Variants in ZNF605 observed in about 807,000 individuals in gnomAD.
The protein encoded by ZNF605 is zinc finger protein 605.
In ZNF605, 9 loss-of-function variants were observed where a neutral mutation model predicts 7.9. That is an observed-to-expected ratio of 1.14 (90% CI 0.68 to 1.98). The LOEUF is 1.98. ZNF605 is among the 30% of genes most tolerant of loss of function. The pLI is 0.00. For synonymous variants in ZNF605, 255 were observed against 260.1 expected (o/e 0.98, Z 0.19); for missense variants, 673 against 762.4 (o/e 0.88, Z 1.38).
Position 132,922,200 on chromosome 12 carries a change from G to A in ZNF605, c.*3173C>T, listed in dbSNP as rs1311501143. On this transcript the variant is annotated 3_prime_UTR_variant, in exon 5 of 5. Coordinates refer to ENST00000360187, the MANE Select transcript of ZNF605 (RefSeq NM_183238.4). ...CTGGGAAGTATGGGACATCATTCCC[G>A]TCTTTCTTCACTCAGTAACTGATTA... 7 of 152,294 alleles carry A rather than the reference G, an allele frequency of 4.6e-5. No homozygotes were observed. The highest frequency in any genetic ancestry group is 2.0e-4 in the Admixed American group (3 of 15,298). The allele number at this position is 152,294 out of a possible 1,614,324, so 9.4% of individuals were successfully genotyped here. A position where few individuals can be genotyped will look rare whatever the true frequency, so the allele number is the denominator to read the frequency against.
At chr12:132,939,010 G>A (rs1952400933) in intron 3 of ZNF605, among the ~76,000 whole-genome samples, 1 of 151,586 alleles carries the variant, frequency 6.6e-6, no homozygotes, top group Non-Finnish European at 1.5e-5. Flanking sequence ...CTGGGCACCT[G>A]CAGCCCACCA....
In ZNF605 at chr12:132,919,789, T is replaced by C. The variant is rs559464521; in HGVS notation, c.*5584A>G. 4 of 152,318 alleles carry C rather than the reference T, an allele frequency of 2.6e-5. No homozygotes were observed. The South Asian group carries it at 8.3e-4, about 32-fold the overall frequency. 9.4% of individuals were successfully genotyped at this position (152,318 alleles called of 1,614,324 possible). The stretch of plus-strand genomic sequence containing the variant: ...GAATGCCTCGATAGCTACATTCTTT[T>C]TGCTGTGCACATTTCGAGATTTAGG... On this transcript the variant is annotated 3_prime_UTR_variant, in exon 5 of 5. Coordinates refer to ENST00000360187, the MANE Select transcript of ZNF605 (RefSeq NM_183238.4).
intron 1 of ZNF605, among the ~76,000 whole-genome samples, chr12:132,952,600 G>A (rs1165762035): frequency 2.6e-5 from 4 of 151,812 alleles, no homozygotes; most frequent in South Asian, 2.1e-4. Context: ...AGGCTGGGCC[G>A]ACCACACCAC....
rs1952249594 is a variant in ZNF605, at chr12:132,926,539, C to G, written c.760G>C (p.Gly254Arg). 1.9e-6 allele frequency: 3 copies of G among 1,614,162 alleles called. No individual in the cohort carries two copies. In the African/African-American group the frequency reaches 4.0e-5, roughly 22 times the overall value. The part of the protein sequence containing the change: ...QRIHTGEKPY[G>R]CSECGKAFSR... ...AAGGCTTTTCCACATTCACTGCATC[C>G]ATACGGCTTCTCTCCAGTATGAATT... Residue 254 changes from glycine (G) to arginine (R), a missense_variant, in exon 5 of 5, where the codon GGA (glycine) becomes CGA (arginine). Physicochemically the swap from Gly to Arg is moderately radical, Grantham distance 125. Transcript: ENST00000360187.
chr12:132,951,142 TAC>T (rs1441284243), intron 1 of ZNF605, among the ~76,000 whole-genome samples: 40 of 146,614 alleles, frequency 2.7e-4, no homozygotes, highest in African/African-American at 8.5e-4. Context: ...ACATCACGCA[TAC>T]ACACACACTG....
At chr12:132,928,798 G>T (rs1283513340) in intron 4 of ZNF605, among the ~76,000 whole-genome samples, 1 of 151,830 alleles carries the variant, frequency 6.6e-6, no homozygotes, top group Non-Finnish European at 1.5e-5. Flanking sequence ...GACTGCTTGA[G>T]CCCAGGAGTT....
intron 1 of ZNF605, among the ~76,000 whole-genome samples, chr12:132,951,297 CGTACACAGACAT>C (rs1373599416): frequency 1.3e-5 from 2 of 151,424 alleles, no homozygotes; most frequent in East Asian, 1.9e-4. Flanking sequence ...CACACAGACA[CGTACACAGACAT>C]GCACACACTG....
At chr12:132,954,167 C>A (rs937535505) in intron 1 of ZNF605, among the ~76,000 whole-genome samples, 1 of 151,254 alleles carries the variant, frequency 6.6e-6, no homozygotes, top group African/African-American at 2.4e-5. Flanking sequence ...TCCCTACAGG[C>A]CCAACTGATG....
At chr12:132,930,483 C>G (rs1952297581) in intron 4 of ZNF605, among the ~76,000 whole-genome samples, 1 of 151,710 alleles carries the variant, frequency 6.6e-6, no homozygotes, top group South Asian at 2.1e-4. Context: ...GTCTTTTTCA[C>G]TAATGTACCC....
intron 3 of ZNF605, among the ~76,000 whole-genome samples, chr12:132,943,516 G>C (rs1348978266): frequency 6.6e-6 from 1 of 152,148 alleles, no homozygotes; most frequent in Non-Finnish European, 1.5e-5. Context: ...GCTGCAGTCA[G>C]GGGTCGTGAT....
chr12:132,935,927 G>C (rs1952360786), intron 3 of ZNF605, among the ~76,000 whole-genome samples: 1 of 148,600 alleles, frequency 6.7e-6, no homozygotes, highest in Admixed American at 6.9e-5. Flanking sequence ...CGGGCGTGGT[G>C]GTGGGTGCCT....
rs1485138862 is a variant in ZNF605 at position 132,951,565 on chromosome 12, C to T, written c.-285-3295G>A. Reference sequence around the variant, plus strand: ...ACACACATACACACACTGATGCACACGTATACCATACACACAGACATGCAC... The same window carrying T: ...ACACACATACACACACTGATGCACATGTATACCATACACACAGACATGCAC... On this transcript the variant is annotated intron_variant, in intron 1 of 4. Transcript: ENST00000360187. Among the ~76,000 whole-genome samples, 6 of 128,452 alleles carry T rather than the reference C, an allele frequency of 4.7e-5. No individual in the cohort carries two copies. In the South Asian group the frequency reaches 1.1e-3, roughly 24 times the overall value. 84.3% of individuals were successfully genotyped at this position (128,452 alleles called of 152,430 possible).
At chr12:132,939,043 C>T (rs1410407287) in intron 3 of ZNF605, among the ~76,000 whole-genome samples, 1 of 151,530 alleles carries the variant, frequency 6.6e-6, no homozygotes, top group Non-Finnish European at 1.5e-5. Context: ...CCACCCACTC[C>T]ATGGGCTCCC....
intron 3 of ZNF605, among the ~76,000 whole-genome samples, chr12:132,934,410 A>C (rs1952339867): frequency 6.6e-6 from 1 of 152,136 alleles, no homozygotes; most frequent in South Asian, 2.1e-4. Context: ...TGAGCAATTA[A>C]GATTCCAGGA....
At position 132,921,688 on chromosome 12, in the gene ZNF605, A is replaced by C. The variant is rs1952206861; in HGVS notation, c.*3685T>G. ...ATTGTCGGAAATAGAAAACATGTAT[A>C]AAAATCTTCGAAATGCAGGTTAAAA... On this transcript the variant is annotated 3_prime_UTR_variant, in exon 5 of 5. Coordinates refer to ENST00000360187, the MANE Select transcript of ZNF605 (RefSeq NM_183238.4). 6.6e-6 allele frequency: 1 copy of C among 152,260 alleles called. No homozygotes were observed. Among genetic ancestry groups the C allele is most frequent in the Non-Finnish European group, 1.5e-5 (1 of 68,040 alleles). 9.4% of individuals were successfully genotyped at this position (152,260 alleles called of 1,614,324 possible).
chr12:132,924,267 C>T lies in ZNF605; in HGVS notation c.*1106G>A, dbSNP rs1355754733. The T allele has an allele frequency of 6.6e-6, 1 of 152,208 alleles. No homozygotes were observed. The highest frequency in any genetic ancestry group is 1.5e-5 in the Non-Finnish European group (1 of 68,044). The allele number at this position is 152,208 out of a possible 1,614,324, so 9.4% of individuals were successfully genotyped here. ...CTTTTAATCTAGAGTTAATTAGCTG[C>T]ACTACTAAAACAAAACCTTTCTGAG... is the stretch of plus-strand genomic sequence containing the variant. On this transcript the variant is annotated 3_prime_UTR_variant, in exon 5 of 5. Transcript: ENST00000360187.
At chr12:132,952,519 C>A (rs1268270109) in intron 1 of ZNF605, among the ~76,000 whole-genome samples, 1 of 151,540 alleles carries the variant, frequency 6.6e-6, no homozygotes, top group Non-Finnish European at 1.5e-5. Flanking sequence ...ATATTCCTCC[C>A]AGACGTCGTA....
chr12:132,926,804 G>A lies in ZNF605; in HGVS notation c.495C>T (p.His165=). 6.2e-7 allele frequency: 1 copy of A among 1,614,134 alleles called. No homozygotes were observed. Among genetic ancestry groups the A allele is most frequent in the South Asian group, 1.1e-5 (1 of 91,066 alleles). The stretch of plus-strand genomic sequence containing the variant: ...ATTCCATGCATAAATAGACTCCTGT[G>A]TGTGTTATGTGATTAGCAGTGAGCC... ...EPWLTANHIT[H]TGVYLCMECG... is the part of the protein sequence containing the mutation. Residue 165 remains histidine, a synonymous_variant, in exon 5 of 5, where the codon CAC becomes CAT. Coordinates refer to ENST00000360187, the MANE Select transcript of ZNF605 (RefSeq NM_183238.4).
rs774422357 is a variant in ZNF605, at chr12:132,925,632, G to T, written c.1667C>A (p.Thr556Lys). The part of the protein sequence containing the change: ...VQLIKHQRNH[T>K]GEKTYGCSDC... ...GCTGCATCCATAGGTTTTCTCTCCTGTGTGATTTCTTTGATGCTTAATGAG... is the reference window on the plus strand; with the variant it reads ...GCTGCATCCATAGGTTTTCTCTCCTTTGTGATTTCTTTGATGCTTAATGAG... Residue 556 changes from threonine (T) to lysine (K), a missense_variant, in exon 5 of 5, where the codon ACA becomes AAA. Thr to Lys is a moderately conservative substitution (Grantham distance 78). Coordinates refer to ENST00000360187, the MANE Select transcript of ZNF605 (RefSeq NM_183238.4). The T allele has an allele frequency of 7.4e-6, 12 of 1,614,136 alleles. No homozygotes were observed. The highest frequency in any genetic ancestry group is 1.0e-5 in the Non-Finnish European group (12 of 1,180,024).
Sources: allele counts gnomAD v4.1 joint callset (sites outside exome capture counted in the v4.1 genomes callset), GRCh38; gene constraint gnomAD v4.1.1; transcripts MANE v1.5; gene names NCBI Gene and HGNC (gene_info 2026-07-23, HGNC 2026-07-21).